PCDHA2: variants seen among roughly 807,000 people sequenced by gnomAD.
The protein encoded by PCDHA2 is protocadherin alpha-2.
A neutral mutation model predicts 66.0 loss-of-function variants in PCDHA2; 58 were observed. The observed-to-expected ratio is 0.88, with a 90% CI of 0.71 to 1.09. PCDHA2 has a LOEUF of 1.09. Among genes scored for constraint, PCDHA2 ranks in the 50% least tolerant of loss-of-function variants. The pLI, the probability that PCDHA2 is intolerant of heterozygous loss-of-function variation, is 0.00. For synonymous variants in PCDHA2, 634 were observed against 554.0 expected (o/e 1.14, Z -2.03); for missense variants, 1,267 against 1,242.3 (o/e 1.02, Z -0.30).
At chr5:140,837,512 T>G (rs1554136488) in intron 1 of PCDHA2, among the ~76,000 whole-genome samples, 2 of 96,740 alleles carry the variant, frequency 2.1e-5, no homozygotes, top group African/African-American at 1.1e-4. Context: ...TCTGAAGCAG[T>G]TTACTTTTTT....
intron 1 of PCDHA2, chr5:140,807,618 A>C (rs1177804428): frequency 1.2e-6 from 2 of 1,614,184 alleles, no homozygotes. Context: ...TCCATCGCGG[A>C]ATCCAGGCCG....
intron 1 of PCDHA2, among the ~76,000 whole-genome samples, chr5:140,978,243 C>T (rs2096793691): frequency 6.6e-6 from 1 of 152,170 alleles, no homozygotes; most frequent in South Asian, 2.1e-4. Context: ...ATTTCAGCTA[C>T]TCCCTGTTAA....
chr5:140,898,628 C>T (rs1305030651), intron 1 of PCDHA2, among the ~76,000 whole-genome samples: 2 of 152,176 alleles, frequency 1.3e-5, no homozygotes, highest in African/African-American at 4.8e-5. Context: ...TAGCATAATG[C>T]CTCCAGCTTT....
Position 140,797,171 on chromosome 5 carries a change from A to G in PCDHA2, c.2207A>G (p.Lys736Arg). 1 of 1,614,088 alleles carries G rather than the reference A, an allele frequency of 6.2e-7. No individual in the cohort carries two copies. Among genetic ancestry groups the G allele is most frequent in the Non-Finnish European group, 8.5e-7 (1 of 1,180,026 alleles). ...PPTEGARAPG[K>R]PTLVCSSAVG... is the part of the protein sequence containing the mutation. The stretch of plus-strand genomic sequence containing the variant: ...ACCGAGGGTGCGCGCGCGCCAGGAA[A>G]GCCCACGCTGGTGTGCTCCAGCGCC... The change falls in exon 1 of 4, where the codon AAG (lysine) becomes AGG (arginine). Residue 736 changes from lysine to arginine, a missense_variant. Physicochemically the swap from Lys to Arg is conservative, Grantham distance 26 (BLOSUM62 2). Transcript: ENST00000526136.
At chr5:140,830,044 G>A in intron 1 of PCDHA2, 1 of 1,613,812 alleles carries the variant, frequency 6.2e-7, no homozygotes, top group East Asian at 2.2e-5. Flanking sequence ...TGGTGCTGGT[G>A]AAAGACCACG....
chr5:140,993,528 A>G (rs78672098), intron 3 of PCDHA2, among the ~76,000 whole-genome samples: 1 of 151,976 alleles, frequency 6.6e-6, no homozygotes, highest in Admixed American at 6.6e-5. Context: ...AGAGACAGAG[A>G]GAGAGAGAGA....
At chr5:140,934,319 A>G (rs1292813425) in intron 1 of PCDHA2, among the ~76,000 whole-genome samples, 1 of 152,146 alleles carries the variant, frequency 6.6e-6, no homozygotes, top group Non-Finnish European at 1.5e-5. Context: ...CAAATGTCCA[A>G]TCATGAATGT....
chr5:140,905,472 C>T (rs782287736), intron 1 of PCDHA2, among the ~76,000 whole-genome samples: 14 of 152,042 alleles, frequency 9.2e-5, no homozygotes, highest in Non-Finnish European at 1.6e-4. Flanking sequence ...TAATGTGATG[C>T]CTTCAGATTT....
chr5:140,828,568 T>G lies in PCDHA2; in HGVS notation c.2388+31216T>G. 6.2e-7 allele frequency: 1 copy of G among 1,614,248 alleles called. No homozygotes were observed. Among genetic ancestry groups the G allele is most frequent in the African/African-American group, 1.3e-5 (1 of 75,060 alleles). On this transcript the variant is annotated intron_variant, in intron 1 of 3. Coordinates refer to ENST00000526136, the MANE Select transcript of PCDHA2 (RefSeq NM_018905.3). ...TGTTTCCACTGGAGGGCGCGTCCGA[T>G]GCAGATGTTGGCTCAAATTCCATCT...
At position 140,796,660 on chromosome 5, in the gene PCDHA2, T is replaced by C; in HGVS notation, c.1696T>C (p.Leu566=). Reference sequence around the variant, plus strand: ...CGAGAACGACAACGCGCCGGCACTGTTGGCGCCTAGGGCTGGCACCGCTGC... The same window carrying C: ...CGAGAACGACAACGCGCCGGCACTGCTGGCGCCTAGGGCTGGCACCGCTGC... ...LDENDNAPAL[L]APRAGTAAGA... The change falls in exon 1 of 4, where the codon TTG becomes CTG. Residue 566 remains leucine (L), a synonymous_variant. Coordinates refer to ENST00000526136, the MANE Select transcript of PCDHA2 (RefSeq NM_018905.3). 1 of 1,613,884 alleles carries C rather than the reference T, an allele frequency of 6.2e-7. No individual in the cohort carries two copies. The highest frequency in any genetic ancestry group is 8.5e-7 in the Non-Finnish European group (1 of 1,179,862).
chr5:140,863,356 CGGT>C, intron 1 of PCDHA2: 1 of 1,255,142 alleles, frequency 8.0e-7, no homozygotes, highest in Non-Finnish European at 1.1e-6. Flanking sequence ...CACGACGCTG[CGGT>C]GCTTGGCGCA....
At chr5:141,000,030 C>T (rs1261016075) in intron 3 of PCDHA2, among the ~76,000 whole-genome samples, 3 of 152,058 alleles carry the variant, frequency 2.0e-5, no homozygotes, top group African/African-American at 7.2e-5. Flanking sequence ...GCCTGACATC[C>T]AATCACACAC....
At chr5:140,849,614 T>C (rs2040994208) in intron 1 of PCDHA2, 1 of 1,598,700 alleles carries the variant, frequency 6.3e-7, no homozygotes, top group East Asian at 2.2e-5. Flanking sequence ...CCCTGATTAG[T>C]GTGATCGACC....
At chr5:140,959,506 A>G (rs1554224114) in intron 1 of PCDHA2, among the ~76,000 whole-genome samples, 6 of 152,226 alleles carry the variant, frequency 3.9e-5, no homozygotes. Flanking sequence ...AAACTAAAAA[A>G]TTTTAAGATC....
intron 1 of PCDHA2, chr5:140,842,584 T>A: frequency 6.6e-7 from 1 of 1,519,626 alleles, no homozygotes; most frequent in Non-Finnish European, 8.9e-7. Flanking sequence ...TGTCGGCCTA[T>A]GAGTTGGTGG....
At chr5:140,893,117 T>C (rs536917492) in intron 1 of PCDHA2, among the ~76,000 whole-genome samples, 72 of 152,356 alleles carry the variant, frequency 4.7e-4, no homozygotes, top group South Asian at 1.2e-3. Flanking sequence ...GTTGTGCATA[T>C]ACACCACATT....
chr5:140,875,485 G>A (rs367652529), intron 1 of PCDHA2: 13 of 1,611,424 alleles, frequency 8.1e-6, no homozygotes, highest in African/African-American at 1.3e-5. Context: ...GGTGATTATC[G>A]GACCAAGAGG....
At chr5:140,834,957 C>T in intron 1 of PCDHA2, 2 of 1,532,930 alleles carry the variant, frequency 1.3e-6, no homozygotes, top group Non-Finnish European at 1.8e-6. Flanking sequence ...GGTAAAACCT[C>T]TTGGACTTGT....
chr5:140,857,076 A>C (rs782010117), intron 1 of PCDHA2: 1 of 1,596,990 alleles, frequency 6.3e-7, no homozygotes, highest in Admixed American at 1.7e-5. Flanking sequence ...CTGGATGAAA[A>C]TGATAATTCA....
Sources: gnomAD v4.1 joint callset for allele counts (sites outside exome capture counted in the v4.1 genomes callset) on GRCh38, gnomAD v4.1.1 for gene constraint, MANE v1.5 for transcripts, NCBI Gene and HGNC (gene_info 2026-07-23, HGNC 2026-07-21) for gene names.